Variants in PCDHGA1 observed in about 807,000 individuals in gnomAD.
PCDHGA1 encodes the protein protocadherin gamma subfamily A, 1, also known as protocadherin gamma-A1.
A neutral mutation model predicts 58.0 loss-of-function variants in PCDHGA1; 32 were observed. The ratio of observed to expected loss-of-function variants is 0.55; its 90% CI spans 0.42 to 0.74. The LOEUF (loss-of-function observed/expected upper bound fraction) is 0.74. PCDHGA1 is among the 30% of genes least tolerant of loss of function. PCDHGA1 has a pLI of 0.00. For missense variants in PCDHGA1, 1,205 were observed against 1,182.3 expected (o/e 1.02, Z -0.28); for synonymous variants, 498 against 501.1 (o/e 0.99, Z 0.08).
chr5:141,498,865 G>A (rs2099786522), intron 2 of PCDHGA1, among the ~76,000 whole-genome samples: 1 of 151,116 alleles, frequency 6.6e-6, no homozygotes, highest in Non-Finnish European at 1.5e-5. Flanking sequence ...CCCAGGAGGC[G>A]GAGGTTGCAG....
At chr5:141,497,839 A>G (rs1399696596) in intron 2 of PCDHGA1, among the ~76,000 whole-genome samples, 1 of 152,044 alleles carries the variant, frequency 6.6e-6, no homozygotes, top group East Asian at 1.9e-4. Flanking sequence ...CCCGGCCACA[A>G]CAAACATTTT....
rs150032730 is a variant in PCDHGA1 at position 141,331,524 on chromosome 5, C to A, written c.840C>A (p.Ser280=). 7,518 of 1,614,162 alleles carry A rather than the reference C, an allele frequency of 4.7e-3. 524 individuals are homozygous for A. In the Admixed American group the frequency reaches 0.12, roughly 25 times the overall value. The change falls in exon 1 of 4, where the codon TCC becomes TCA. Residue 280 remains serine, a synonymous_variant. Transcript: ENST00000517417. ...DEGANGEVTY[S]FHNVDHRVAQ... is the part of the protein sequence containing the mutation. ...GAGCCAATGGGGAAGTAACGTACTC[C>A]TTTCACAATGTAGACCACAGAGTGG...
chr5:141,394,228 T>C lies in PCDHGA1; in HGVS notation c.2421+61123T>C, dbSNP rs1236057008. On this transcript the variant is annotated intron_variant, in intron 1 of 3. Transcript: ENST00000517417. ...AACAACCTGAGAGGAGCCTCCATCT[T>C]TTCCTTGACTGCACACGACCCCGAC... is the stretch of plus-strand genomic sequence containing the variant. 3.7e-6 allele frequency: 6 copies of C among 1,613,886 alleles called. No individual in the cohort carries two copies. The South Asian group carries it at 4.4e-5, about 12-fold the overall frequency.
At chr5:141,408,618 A>C (rs1264915663) in intron 1 of PCDHGA1, 1 of 1,614,024 alleles carries the variant, frequency 6.2e-7, no homozygotes, top group Admixed American at 1.7e-5. Flanking sequence ...AAGGAAATAC[A>C]TTTAGAAATT....
chr5:141,485,060 G>C lies in PCDHGA1; in HGVS notation c.2422-9747G>C. ...ACCCTTGCGGCGCCGGCCGAACCGCGCCAGAGCTGGCGCGGGGAAAGGGAG... is the reference window on the plus strand; with the variant it reads ...ACCCTTGCGGCGCCGGCCGAACCGCCCCAGAGCTGGCGCGGGGAAAGGGAG... On this transcript the variant is annotated intron_variant, in intron 1 of 3. Transcript: ENST00000517417. This position sits in a 1 kb window ranked among gnomAD's most constrained non-coding sequence, Gnocchi z 5.7. 1 of 862,304 alleles carries C rather than the reference G, an allele frequency of 1.2e-6. No individual in the cohort carries two copies. The highest frequency in any genetic ancestry group is 1.9e-6 in the Non-Finnish European group (1 of 540,422). 53.4% of individuals were successfully genotyped at this position (862,304 alleles called of 1,614,324 possible).
At chr5:141,475,500 T>C (rs1393586791) in intron 1 of PCDHGA1, among the ~76,000 whole-genome samples, 1 of 152,248 alleles carries the variant, frequency 6.6e-6, no homozygotes, top group East Asian at 1.9e-4. Flanking sequence ...ACTGAAATTA[T>C]TAATGTCTCC....
chr5:141,344,941 T>C (rs771885290), intron 1 of PCDHGA1: 7 of 1,613,778 alleles, frequency 4.3e-6, no homozygotes, highest in Non-Finnish European at 5.9e-6. Flanking sequence ...GAAGTATCAA[T>C]ATTAAAAAGT....
intron 1 of PCDHGA1, chr5:141,419,396 G>A (rs772000806): frequency 3.7e-6 from 6 of 1,613,600 alleles, no homozygotes; most frequent in Admixed American, 1.7e-5. Flanking sequence ...GCAGAGCGGG[G>A]TGGTGTTCGC....
rs781141937 is a variant in PCDHGA1, at chr5:141,330,710, G to C, written c.26G>C (p.Gly9Ala). The C allele has an allele frequency of 6.2e-7, 1 of 1,609,360 alleles. No homozygotes were observed. Among genetic ancestry groups the C allele is most frequent in the South Asian group, 1.1e-5 (1 of 90,874 alleles). MKIQKKLT[G>A]CSRLMLLCLS... is the part of the protein sequence containing the mutation. The stretch of plus-strand genomic sequence containing the variant: ...ATGAAGATTCAGAAAAAGCTGACTG[G>C]CTGCAGCAGGCTGATGCTTCTGTGT... The change falls in exon 1 of 4, where the codon GGC (glycine) becomes GCC (alanine). Residue 9 changes from glycine to alanine, a missense_variant. Physicochemically the swap from Gly to Ala is moderately conservative, Grantham distance 60. Coordinates refer to ENST00000517417, the MANE Select transcript of PCDHGA1 (RefSeq NM_018912.3).
intron 1 of PCDHGA1, chr5:141,393,540 C>G (rs760241344): frequency 6.2e-7 from 1 of 1,613,996 alleles, no homozygotes; most frequent in Admixed American, 1.7e-5. Context: ...CCCGGTTTTT[C>G]CTCACCCGAT....
intron 1 of PCDHGA1, chr5:141,398,283 G>A (rs1470207042): frequency 7.2e-7 from 1 of 1,396,846 alleles, no homozygotes; most frequent in East Asian, 2.5e-5. Context: ...ACCTCGCCAC[G>A]GACCTGGGGT....
In PCDHGA1 at chr5:141,427,541, C is replaced by G. The variant is rs541988301; in HGVS notation, c.2422-67266C>G. ...AGCGGATCCCGGAGTACAACGTCACCATCACTGCCACTGACAAGGGCAAGC... is the reference window on the plus strand; with the variant it reads ...AGCGGATCCCGGAGTACAACGTCACGATCACTGCCACTGACAAGGGCAAGC... On this transcript the variant is annotated intron_variant, in intron 1 of 3. Coordinates refer to ENST00000517417, the MANE Select transcript of PCDHGA1 (RefSeq NM_018912.3). 3.1e-5 allele frequency: 20 copies of G among 635,320 alleles called. No individual in the cohort carries two copies. The African/African-American group carries it at 3.6e-4, about 11-fold the overall frequency. The allele number at this position is 635,320 out of a possible 1,614,324, so 39.4% of individuals were successfully genotyped here.
Position 141,356,579 on chromosome 5 carries a change from A to T in PCDHGA1, c.2421+23474A>T, listed in dbSNP as rs115115119. The T allele has an allele frequency of 9.9e-6, 16 of 1,614,150 alleles. No individual in the cohort carries two copies. The East Asian group carries it at 3.3e-4, about 34-fold the overall frequency. ...TTCCCTCATGCTTCCTACTCTGCTTACATTCCTGAAAACAACCCCAGAGGA... is the reference window on the plus strand; with the variant it reads ...TTCCCTCATGCTTCCTACTCTGCTTTCATTCCTGAAAACAACCCCAGAGGA... On this transcript the variant is annotated intron_variant, in intron 1 of 3. Transcript: ENST00000517417.
chr5:141,441,789 A>G (rs889545483), intron 1 of PCDHGA1: 4 of 391,886 alleles, frequency 1.0e-5, no homozygotes, highest in Middle Eastern at 6.4e-4. Context: ...CCTGAATGAC[A>G]ACGCACCGCG....
At chr5:141,420,453 C>A (rs1026053173) in intron 1 of PCDHGA1, 76 of 977,580 alleles carry the variant, frequency 7.8e-5, no homozygotes, top group Non-Finnish European at 8.8e-5. Context: ...AGTCTTCCTA[C>A]TATTCAAAGA....
At chr5:141,509,268 G>A (rs2099875959) in intron 3 of PCDHGA1, among the ~76,000 whole-genome samples, 1 of 152,150 alleles carries the variant, frequency 6.6e-6, no homozygotes, top group South Asian at 2.1e-4. Flanking sequence ...AGTCACTCTC[G>A]CTACCCGCTC....
intron 1 of PCDHGA1, among the ~76,000 whole-genome samples, chr5:141,436,350 C>T (rs1034303123): frequency 5.9e-5 from 9 of 152,126 alleles, no homozygotes; most frequent in Non-Finnish European, 1.3e-4. Flanking sequence ...TCAGTGACTT[C>T]AATCAACTAT....
At chr5:141,478,163 C>T (rs779617960) in intron 1 of PCDHGA1, 1 of 1,614,028 alleles carries the variant, frequency 6.2e-7, no homozygotes, top group Non-Finnish European at 8.5e-7. Context: ...TGGCTCTGCC[C>T]CCCGGGAGCA....
chr5:141,475,008 T>C (rs1292437400), intron 1 of PCDHGA1, among the ~76,000 whole-genome samples: 1 of 152,258 alleles, frequency 6.6e-6, no homozygotes, highest in Admixed American at 6.5e-5. Flanking sequence ...TGCAGAAAAG[T>C]TAAGGCTCTT....
Sources: allele counts gnomAD v4.1 joint callset (sites outside exome capture counted in the v4.1 genomes callset), GRCh38; gene constraint gnomAD v4.1.1; non-coding constraint Gnocchi (gnomAD v3.1); transcripts MANE v1.5; gene names NCBI Gene and HGNC (gene_info 2026-07-23, HGNC 2026-07-21).